NOTCH1: variants seen among roughly 807,000 people sequenced by gnomAD.
NOTCH1 encodes the protein neurogenic locus notch homolog protein 1.
Under a neutral mutation model 254.8 loss-of-function variants are expected in NOTCH1, and 37 were observed. That is an observed-to-expected ratio of 0.15 (90% CI 0.11 to 0.19). The LOEUF is 0.19. Ranked by LOEUF, NOTCH1 falls within the 10% of genes least tolerant of loss-of-function variation. The probability of loss-of-function intolerance (pLI) is 1.00; values close to 1 mark genes in which losing one functional copy is unlikely to be tolerated. For missense variants in NOTCH1, 2,972 were observed against 3,708.6 expected (o/e 0.80, Z 5.16); for synonymous variants, 1,731 against 1,618.1 (o/e 1.07, Z -1.68).
chr9:136,514,016 C>A (rs1226005793), intron 13 of NOTCH1, among the ~76,000 whole-genome samples: 1 of 152,132 alleles, frequency 6.6e-6, no homozygotes, highest in Non-Finnish European at 1.5e-5. Context: ...CCCAAGACTG[C>A]GGCAGGGGTT....
rs530959956 is a variant in NOTCH1, at chr9:136,508,093, G to C, written c.3372C>G (p.Asp1124Glu). The C allele has an allele frequency of 2.5e-6, 4 of 1,609,266 alleles. No homozygotes were observed. Among genetic ancestry groups the C allele is most frequent in the African/African-American group, 1.3e-5 (1 of 74,912 alleles). Residue 1124 changes from aspartate (D) to glutamate (E), a missense_variant, in exon 21 of 34, where the codon GAC becomes GAG. This residue lies in a region of NOTCH1 where 1,343 missense variants were observed against 1,557.0 expected (regional missense o/e 0.86). Transcript: ENST00000651671. Reference protein sequence around the residue: ...RLCQHGGLCVDAGNTHHCRCQ... With the variant: ...RLCQHGGLCVEAGNTHHCRCQ... ...AGCGGCAGTGGTGCGTGTTGCCCGC[G>C]TCCACACAGAGCCCTCCATGCTGGC...
chr9:136,535,162 G>A (rs1339555584), intron 2 of NOTCH1, among the ~76,000 whole-genome samples: 2 of 151,056 alleles, frequency 1.3e-5, no homozygotes, highest in Non-Finnish European at 3.0e-5. Context: ...CCTGGTGTCT[G>A]GGCTGCAGCT....
At chr9:136,498,027 C>T (rs1049745690) in intron 33 of NOTCH1, among the ~76,000 whole-genome samples, 16 of 152,150 alleles carry the variant, frequency 1.1e-4, no homozygotes, top group Non-Finnish European at 1.6e-4. Context: ...GCGGTGGACA[C>T]GTCACAGGTC....
At chr9:136,542,683 G>A (rs1159569694) in intron 2 of NOTCH1, among the ~76,000 whole-genome samples, 3 of 150,428 alleles carry the variant, frequency 2.0e-5, no homozygotes, top group African/African-American at 7.3e-5. Flanking sequence ...GAGGGAGGGG[G>A]CCTGCTGCCC....
At position 136,503,221 on chromosome 9, in the gene NOTCH1, C is replaced by G. The variant is rs2133333251; in HGVS notation, c.5128G>C (p.Gly1710Arg). 6.2e-7 allele frequency: 1 copy of G among 1,612,822 alleles called. No individual in the cohort carries two copies. The highest frequency in any genetic ancestry group is 2.2e-5 in the East Asian group (1 of 44,880). ...AAFLGALASLGSLNIPYKIEA... is the reference protein window; with the variant it reads ...AAFLGALASLRSLNIPYKIEA... The stretch of plus-strand genomic sequence containing the variant: ...ATCTTGTAGGGGATGTTGAGGCTGC[C>G]CAGCGAGGCGAGCGCTCCCAGGAAT... Residue 1710 changes from glycine (G) to arginine (R), a missense_variant, in exon 27 of 34, where the codon GGC (glycine) becomes CGC (arginine). Gly to Arg is a moderately radical substitution (Grantham distance 125, BLOSUM62 -2). Around this residue, in one of 8 missense-constraint regions of NOTCH1, gnomAD observed 421 missense variants for 604.4 expected, o/e 0.70. Transcript: ENST00000651671.
chr9:136,518,316 G>T, intron 6 of NOTCH1, 24 bp from the exon 7 acceptor site: 1 of 1,602,124 alleles, frequency 6.2e-7, no homozygotes, highest in Non-Finnish European at 8.5e-7. Flanking sequence ...GGCGGTCAGT[G>T]GGCACGGCCC....
chr9:136,531,130 C>G (rs901374073), intron 2 of NOTCH1, among the ~76,000 whole-genome samples: 1 of 152,214 alleles, frequency 6.6e-6, no homozygotes, highest in African/African-American at 2.4e-5. Context: ...GAAGGGATCC[C>G]GAGACATCTG....
chr9:136,497,414 T>C lies in NOTCH1; in HGVS notation c.6325A>G (p.Ile2109Val). ...DIAQERMHHD[I>V]VRLLDEYNLV... is the part of the protein sequence containing the mutation. Reference sequence around the variant, plus strand: ...TTGTACTCGTCCAGCAGCCTCACGATGTCGTGATGCATGCGCTCCTGTGCG... The same window carrying C: ...TTGTACTCGTCCAGCAGCCTCACGACGTCGTGATGCATGCGCTCCTGTGCG... The change falls in exon 34 of 34, where the codon ATC (isoleucine) becomes GTC (valine). Residue 2109 changes from isoleucine (I) to valine (V), a missense_variant. Around this residue, in one of 8 missense-constraint regions of NOTCH1, gnomAD observed 529 missense variants for 529.2 expected, o/e 1.00. Transcript: ENST00000651671. 1 of 1,611,582 alleles carries C rather than the reference T, an allele frequency of 6.2e-7. No homozygotes were observed. Among genetic ancestry groups the C allele is most frequent in the Non-Finnish European group, 8.5e-7 (1 of 1,179,892 alleles).
Position 136,504,780 on chromosome 9 carries a change from G to A in NOTCH1, c.4911C>T (p.Gly1637=), listed in dbSNP as rs953232466. Residue 1637 remains glycine (G), a synonymous_variant, in exon 26 of 34, where the codon GGC becomes GGT. Transcript: ENST00000651671. ...RKHPIKRAAE[G]WAAPDALLGQ... ...CCAGCAGGGCGTCAGGTGCGGCCCA[G>A]CCCTCGGCGGCACGCTTGATGGGGT... The A allele has an allele frequency of 1.8e-5, 28 of 1,553,028 alleles. No homozygotes were observed. Among genetic ancestry groups the A allele is most frequent in the Admixed American group, 5.8e-5 (3 of 51,304 alleles).
chr9:136,528,415 TGCGGGGGGGATGGGCAGGGACGGTGA>T (rs1564206635), intron 2 of NOTCH1, among the ~76,000 whole-genome samples: 78 of 7,726 alleles, frequency 0.01, no homozygotes, highest in Non-Finnish European at 0.013. Flanking sequence ...GCAGGGACAG[TGCGGGGGGGATGGGCAGGGACGGTGA>T]GGGGGGGATG....
At chr9:136,524,634 CTTTTCTTTTTTTTTT>C (rs1246440539) in intron 2 of NOTCH1, among the ~76,000 whole-genome samples, 3 of 127,802 alleles carry the variant, frequency 2.3e-5, no homozygotes, top group African/African-American at 6.0e-5. Flanking sequence ...CTTTCTTTTT[CTTTTCTTTTTTTTTT>C]TTTTTTTTTT....
chr9:136,503,936 T>G (rs1843037904), intron 26 of NOTCH1, among the ~76,000 whole-genome samples: 1 of 152,162 alleles, frequency 6.6e-6, no homozygotes, highest in South Asian at 2.1e-4. Context: ...CCAGATCGAG[T>G]AGGCATGGGC....
chr9:136,527,388 C>G (rs954331986), intron 2 of NOTCH1, among the ~76,000 whole-genome samples: 1 of 152,236 alleles, frequency 6.6e-6, no homozygotes, highest in African/African-American at 2.4e-5. Context: ...GCTGTCCCGG[C>G]GGCCAGGTGG....
At chr9:136,517,627 G>T in intron 8 of NOTCH1, 125 bp downstream of exon 8, 1 of 1,236,250 alleles carries the variant, frequency 8.1e-7, no homozygotes, top group Non-Finnish European at 1.2e-6. Flanking sequence ...GCCCTGTGCA[G>T]GCTGTGGGCC....
rs766360723 is a variant in NOTCH1 at position 136,523,201 on chromosome 9, G to C, written c.404-13C>G. On this transcript the variant is annotated splice_polypyrimidine_tract_variant and intron_variant, in intron 3 of 33. Transcript: ENST00000651671. ...TGGCACGATTTCCCTGGAGACAAGGGGACAAGAGGGTCGTGCTGGCCTCAC... is the reference window on the plus strand; with the variant it reads ...TGGCACGATTTCCCTGGAGACAAGGCGACAAGAGGGTCGTGCTGGCCTCAC... The C allele has an allele frequency of 1.8e-5, 28 of 1,588,288 alleles. No individual in the cohort carries two copies. The highest frequency in any genetic ancestry group is 1.1e-4 in the African/African-American group (8 of 74,464).
chr9:136,506,641 TA>T lies in NOTCH1; in HGVS notation c.3902-3del, dbSNP rs1294429744. On this transcript the variant is annotated splice_region_variant and splice_polypyrimidine_tract_variant and intron_variant, in intron 23 of 33. Coordinates refer to ENST00000651671, the MANE Select transcript of NOTCH1 (RefSeq NM_017617.5). This position sits in a 1 kb window ranked among gnomAD's most constrained non-coding sequence, Gnocchi z 4.5. Reference sequence around the variant, plus strand: ...TGATGACGGACTCGCAGCGGCGCCCTAGGGGTAAGAGCAGGGCAGTGAGAGG... The same window carrying T: ...TGATGACGGACTCGCAGCGGCGCCCTGGGGTAAGAGCAGGGCAGTGAGAGG... The T allele has an allele frequency of 1.2e-6, 2 of 1,604,832 alleles. No individual in the cohort carries two copies. The highest frequency in any genetic ancestry group is 3.4e-5 in the Admixed American group (2 of 58,760).
chr9:136,518,172 G>C lies in NOTCH1; in HGVS notation c.1220C>G (p.Pro407Arg), dbSNP rs754529382. The change falls in exon 7 of 34, where the codon CCG becomes CGG. Residue 407 changes from proline (P) to arginine (R), a missense_variant. By Grantham distance (103) the Pro-to-Arg change is moderately radical. Transcript: ENST00000651671. ...CTCATCCACGTCCTGGCTGCAGGCC[G>C]GGCCCGTGTACCCCGAGGGGCAGGT... ...ICTCPSGYTG[P>R]ACSQDVDECS... 6.3e-7 allele frequency: 1 copy of C among 1,598,576 alleles called. No individual in the cohort carries two copies. The highest frequency in any genetic ancestry group is 8.5e-7 in the Non-Finnish European group (1 of 1,172,998).
chr9:136,502,566 C>T (rs1233605868), intron 27 of NOTCH1, 78 bp from the exon 28 acceptor site: 8 of 929,322 alleles, frequency 8.6e-6, no homozygotes, highest in Admixed American at 6.5e-5. Flanking sequence ...CGGGGGGCGG[C>T]GGACTGGCTC....
rs201797774 is a variant in NOTCH1 at position 136,503,234 on chromosome 9, C to A, written c.5115G>T (p.Ala1705=). 2 of 1,612,800 alleles carry A rather than the reference C, an allele frequency of 1.2e-6. No individual in the cohort carries two copies. Among genetic ancestry groups the A allele is most frequent in the Admixed American group, 1.7e-5 (1 of 60,006 alleles). ...SATDVAAFLG[A]LASLGSLNIP... Reference sequence around the variant, plus strand: ...TGTTGAGGCTGCCCAGCGAGGCGAGCGCTCCCAGGAATGCGGCCACGTCGG... The same window carrying A: ...TGTTGAGGCTGCCCAGCGAGGCGAGAGCTCCCAGGAATGCGGCCACGTCGG... The change falls in exon 27 of 34, where the codon GCG becomes GCT. Residue 1705 remains alanine (A), a synonymous_variant. Transcript: ENST00000651671.
Sources: gnomAD v4.1 joint callset for allele counts (sites outside exome capture counted in the v4.1 genomes callset) on GRCh38, gnomAD v4.1.1 for gene constraint, gnomAD v4.1.1 regional missense constraint, Gnocchi (gnomAD v3.1) non-coding constraint, MANE v1.5 for transcripts, NCBI Gene and HGNC (gene_info 2026-07-23, HGNC 2026-07-21) for gene names.